The following CPVL variants were observed in gnomAD, a reference collection of about 807,000 sequenced individuals.
CPVL encodes the protein probable serine carboxypeptidase CPVL.
In CPVL, 51 loss-of-function variants were observed where a neutral mutation model predicts 63.7. The ratio of observed to expected loss-of-function variants is 0.80; its 90% CI spans 0.64 to 1.01. The LOEUF is 1.01. Ranked by LOEUF, CPVL falls within the 50% of genes least tolerant of loss-of-function variation. The pLI, the probability that CPVL is intolerant of heterozygous loss-of-function variation, is 0.00. For synonymous variants in CPVL, 195 were observed against 206.0 expected, an observed-to-expected ratio of 0.95 and a Z score of 0.46; for missense variants, 530 against 573.1, an observed-to-expected ratio of 0.92 and a Z score of 0.77.
chr7:29,025,894 C>A (rs1472371103), intron 12 of CPVL, among the ~76,000 whole-genome samples: 1 of 152,134 alleles, frequency 6.6e-6, no homozygotes, highest in Non-Finnish European at 1.5e-5. Flanking sequence ...AACAAACAGT[C>A]TCAGAATTGG....
At chr7:29,168,456 A>G (rs1796186809) in intron 5 of CPVL, among the ~76,000 whole-genome samples, 2 of 152,256 alleles carry the variant, frequency 1.3e-5, no homozygotes, top group African/African-American at 4.8e-5. Context: ...AGCTTCTATA[A>G]TTATGGACTC....
rs184301684 is a variant in CPVL, at chr7:29,178,535, C to T, written c.-11+2755G>A. 2.4e-3 allele frequency among the ~76,000 whole-genome samples: 368 copies of T among 152,258 alleles called. 1 individual carries two copies. Among genetic ancestry groups the T allele is most frequent in the Admixed American group, 0.011 (164 of 15,298 alleles). On this transcript the variant is annotated intron_variant, in intron 5 of 16. Transcript: ENST00000409850. ...GTCTCTGCTGAAATGTCACATCCTC[C>T]GAGAGACGTTGCCTGACATGCTGTT... is the stretch of plus-strand genomic sequence containing the variant.
chr7:29,100,381 T>C (rs1786994170), intron 3 of CPVL, among the ~76,000 whole-genome samples: 1 of 152,196 alleles, frequency 6.6e-6, no homozygotes, highest in African/African-American at 2.4e-5. Context: ...GGAGGAGGCC[T>C]CATCAGTCTT....
At chr7:29,032,877 A>G (rs1788163995) in intron 11 of CPVL, among the ~76,000 whole-genome samples, 1 of 152,218 alleles carries the variant, frequency 6.6e-6, no homozygotes, top group African/African-American at 2.4e-5. Context: ...GCAAAAACAC[A>G]TTTATATGTA....
chr7:29,179,903 T>A (rs536978447), intron 5 of CPVL, among the ~76,000 whole-genome samples: 1 of 152,200 alleles, frequency 6.6e-6, no homozygotes, highest in Non-Finnish European at 1.5e-5. Flanking sequence ...AAAAATCTGG[T>A]CACTGTTATT....
At chr7:29,183,324 T>C (rs1798301523) in intron 4 of CPVL, among the ~76,000 whole-genome samples, 1 of 151,972 alleles carries the variant, frequency 6.6e-6, no homozygotes, top group Non-Finnish European at 1.5e-5. Context: ...TCTCAGGTGA[T>C]CTGCCTGCCT....
intron 1 of CPVL, chr7:29,126,636 C>T (rs1331918743): frequency 6.6e-6 from 1 of 152,194 alleles, no homozygotes; most frequent in African/African-American, 2.4e-5. Flanking sequence ...GGTATTTAAA[C>T]CAGCCTTATA....
chr7:29,058,340 G>GA (rs1203517604), intron 11 of CPVL, among the ~76,000 whole-genome samples: 2 of 152,042 alleles, frequency 1.3e-5, no homozygotes, highest in Non-Finnish European at 2.9e-5. Context: ...GAGTACATAG[G>GA]AAAGTGATTA....
chr7:29,051,011 C>G (rs1790100773), intron 11 of CPVL, among the ~76,000 whole-genome samples: 1 of 152,160 alleles, frequency 6.6e-6, no homozygotes, highest in Non-Finnish European at 1.5e-5. Context: ...AAAGGACACC[C>G]TTTTCAACAA....
intron 11 of CPVL, among the ~76,000 whole-genome samples, chr7:29,059,584 A>T (rs963389876): frequency 5.9e-5 from 9 of 152,230 alleles, no homozygotes; most frequent in African/African-American, 1.7e-4. Flanking sequence ...AGACTGAAAG[A>T]CAAAACCACA....
upstream of CPVL, chr7:29,147,106 C>T (rs1456581161): frequency 3.6e-6 from 4 of 1,115,936 alleles, no homozygotes; most frequent in Non-Finnish European, 5.0e-6. Context: ...GTAACCCATC[C>T]AGGGTCACAT....
At chr7:29,180,878 T>C (rs1450576015) in intron 5 of CPVL, among the ~76,000 whole-genome samples, 2 of 152,206 alleles carry the variant, frequency 1.3e-5, no homozygotes, top group East Asian at 3.8e-4. Flanking sequence ...ATAATAAGCA[T>C]GACTGCTTGC....
intron 7 of CPVL, among the ~76,000 whole-genome samples, chr7:29,072,996 A>G (rs1460074617): frequency 6.6e-6 from 1 of 152,220 alleles, no homozygotes; most frequent in Non-Finnish European, 1.5e-5. Flanking sequence ...CCTAACAAAC[A>G]TGGTAACGGT....
intron 6 of CPVL, among the ~76,000 whole-genome samples, chr7:29,089,860 C>CTTT (rs112115146): frequency 7.0e-6 from 1 of 143,064 alleles, no homozygotes; most frequent in Admixed American, 7.0e-5. Flanking sequence ...CCATTGAATT[C>CTTT]TTTTTTTTTT....
At chr7:29,061,403 ACT>A (rs1254104454) in intron 11 of CPVL, among the ~76,000 whole-genome samples, 1 of 152,106 alleles carries the variant, frequency 6.6e-6, no homozygotes, top group Non-Finnish European at 1.5e-5. Context: ...ACAGAGTGAA[ACT>A]CTGTCTCAAA....
chr7:29,011,933 C>T (rs759479968), intron 12 of CPVL: 2 of 152,104 alleles, frequency 1.3e-5, no homozygotes, highest in Non-Finnish European at 2.9e-5. Context: ...TGATTTGTTG[C>T]CTACATTTAT....
chr7:29,190,706 GTTCT>G (rs1782780194), intron 1 of CPVL, among the ~76,000 whole-genome samples: 1 of 152,142 alleles, frequency 6.6e-6, no homozygotes, highest in Non-Finnish European at 1.5e-5. Flanking sequence ...TGACCGTCAA[GTTCT>G]TTCTTTTGCT....
upstream of CPVL, chr7:29,147,003 T>G: frequency 6.5e-7 from 1 of 1,550,120 alleles, no homozygotes; most frequent in South Asian, 1.2e-5. Context: ...AGCACTCTCC[T>G]GAATCACTGC....
At chr7:29,182,992 T>C (rs952700269) in intron 4 of CPVL, among the ~76,000 whole-genome samples, 8 of 152,084 alleles carry the variant, frequency 5.3e-5, no homozygotes, top group African/African-American at 1.4e-4. Context: ...AAAGAAGGGA[T>C]ATATGAAAAC....
Sources: allele counts gnomAD v4.1 joint callset (sites outside exome capture counted in the v4.1 genomes callset), GRCh38; gene constraint gnomAD v4.1.1; transcripts MANE v1.5; gene names NCBI Gene and HGNC (gene_info 2026-07-23, HGNC 2026-07-21).